Variants in ADAM17 observed in about 807,000 individuals in gnomAD.
The protein encoded by ADAM17 is ADAM metallopeptidase domain 17.
In ADAM17, 39 loss-of-function variants were observed where a neutral mutation model predicts 96.7. That is an observed-to-expected ratio of 0.40 (90% CI 0.31 to 0.53). The LOEUF (loss-of-function observed/expected upper bound fraction) is 0.53. ADAM17 is among the 20% of genes least tolerant of loss of function. The pLI is 0.44. For synonymous variants in ADAM17, 344 were observed against 359.2 expected (o/e 0.96, Z 0.48); for missense variants, 777 against 1,013.2 (o/e 0.77, Z 3.17).
At chr2:9,520,529 A>G (rs1481751597) in intron 8 of ADAM17, among the ~76,000 whole-genome samples, 1 of 152,248 alleles carries the variant, frequency 6.6e-6, no homozygotes, top group Admixed American at 6.5e-5. Context: ...AGATAAATTG[A>G]TAAGCTTCAG....
chr2:9,533,158 C>CA (rs1664819023), intron 4 of ADAM17, among the ~76,000 whole-genome samples: 1 of 151,722 alleles, frequency 6.6e-6, no homozygotes, highest in South Asian at 2.1e-4. Context: ...CATTGCACTC[C>CA]AGTCTGGGTG....
rs1490890866 is a variant in ADAM17, at chr2:9,512,385, A to G, written c.1192-2254T>C. 3.9e-5 allele frequency: 6 copies of G among 152,316 alleles called. No individual in the cohort carries two copies. The South Asian group carries it at 1.2e-3, about 32-fold the overall frequency. The allele number at this position is 152,316 out of a possible 1,614,324, so 9.4% of individuals were successfully genotyped here. A position where few individuals can be genotyped will look rare whatever the true frequency, so the allele number is the denominator to read the frequency against. On this transcript the variant is annotated intron_variant, in intron 10 of 18. Transcript: ENST00000310823. ...GCCATTAAGAAGTTGTGACTCCAAA[A>G]AAGTAAAAGCGTGAGCTACTGTACA...
chr2:9,528,020 T>C (rs1664595680), intron 4 of ADAM17, 66 bp from the exon 5 acceptor site: 1 of 1,096,844 alleles, frequency 9.1e-7, no homozygotes, highest in Non-Finnish European at 1.2e-6. Context: ...TAAATTCTTC[T>C]AACATTCTTT....
At chr2:9,508,538 A>G (rs1420245960) in intron 11 of ADAM17, among the ~76,000 whole-genome samples, 2 of 152,190 alleles carry the variant, frequency 1.3e-5, no homozygotes, top group African/African-American at 4.8e-5. Context: ...ATTTTAGGAC[A>G]TTTCCATCCT....
chr2:9,540,566 G>A (rs980586038), intron 2 of ADAM17, among the ~76,000 whole-genome samples: 10 of 151,742 alleles, frequency 6.6e-5, no homozygotes, highest in African/African-American at 2.2e-4. Context: ...ACATAAAATC[G>A]AATAAAAAGA....
intron 6 of ADAM17, among the ~76,000 whole-genome samples, chr2:9,523,613 A>T (rs556876636): frequency 1.3e-5 from 2 of 152,328 alleles, no homozygotes; most frequent in East Asian, 3.9e-4. Flanking sequence ...GACAAGTAAC[A>T]GGCTTTTTTA....
intron 10 of ADAM17, 73 bp downstream of exon 10, chr2:9,517,828 C>T: frequency 1.0e-6 from 1 of 987,890 alleles, no homozygotes; most frequent in South Asian, 3.1e-5. Flanking sequence ...AAAAAAATAC[C>T]TACATAAATA....
intron 8 of ADAM17, among the ~76,000 whole-genome samples, chr2:9,518,652 T>C (rs1017959687): frequency 3.9e-5 from 6 of 152,224 alleles, no homozygotes; most frequent in African/African-American, 1.4e-4. Flanking sequence ...ATTGGTTTTA[T>C]AGAAATTTTA....
At chr2:9,539,117 T>TG (rs1665102037) in intron 2 of ADAM17, among the ~76,000 whole-genome samples, 1 of 151,956 alleles carries the variant, frequency 6.6e-6, no homozygotes, top group African/African-American at 2.4e-5. Context: ...TTGATTTTTT[T>TG]TTTTTTTTGA....
chr2:9,492,100 G>A (rs1662203663), intron 17 of ADAM17, among the ~76,000 whole-genome samples: 1 of 152,210 alleles, frequency 6.6e-6, no homozygotes, highest in Non-Finnish European at 1.5e-5. Flanking sequence ...AGCAGGAAAG[G>A]AAAGGAAGGA....
rs769827227 is a variant in ADAM17 at position 9,489,894 on chromosome 2, C to A, written c.*283G>T. On this transcript the variant is annotated 3_prime_UTR_variant, in exon 19 of 19. Coordinates refer to ENST00000310823, the MANE Select transcript of ADAM17 (RefSeq NM_003183.6). ...TTTACAAAAACGTAAATATTCATAA[C>A]CCAATCCAGCTGTATTTTCTGCTTT... The A allele has an allele frequency of 4.1e-5, 14 of 341,252 alleles. No individual in the cohort carries two copies. Among genetic ancestry groups the A allele is most frequent in the Non-Finnish European group, 7.5e-5 (14 of 186,850 alleles). The allele number at this position is 341,252 out of a possible 1,614,324, so 21.1% of individuals were successfully genotyped here. A position where few individuals can be genotyped will look rare whatever the true frequency, so the allele number is the denominator to read the frequency against.
chr2:9,519,028 C>A (rs929447783), intron 8 of ADAM17, among the ~76,000 whole-genome samples: 5 of 152,078 alleles, frequency 3.3e-5, no homozygotes, highest in African/African-American at 1.2e-4. Flanking sequence ...ACCTCAGCCT[C>A]CCAAGAAGCT....
In ADAM17 at chr2:9,555,696, C is replaced by G. The variant is rs1665729793; in HGVS notation, c.-91G>C. 1 of 1,121,296 alleles carries G rather than the reference C, an allele frequency of 8.9e-7. No homozygotes were observed. The highest frequency in any genetic ancestry group is 1.2e-6 in the Non-Finnish European group (1 of 805,016). The allele number at this position is 1,121,296 out of a possible 1,614,324, so 69.5% of individuals were successfully genotyped here. A position where few individuals can be genotyped will look rare whatever the true frequency, so the allele number is the denominator to read the frequency against. ...TGCTCACATCGGGGGAGGACGGGAT[C>G]CGCCCGGCCTAGCCCCTCAATCCTC... On this transcript the variant is annotated 5_prime_UTR_variant, in exon 1 of 19. Transcript: ENST00000310823.
At chr2:9,523,146 T>G in intron 7 of ADAM17, 103 bp downstream of exon 7, 1 of 805,928 alleles carries the variant, frequency 1.2e-6, no homozygotes, top group Non-Finnish European at 1.9e-6. Context: ...AGAAAACTTA[T>G]TTACAATTAT....
At chr2:9,502,060 C>G (rs1289008786) in intron 13 of ADAM17, 113 bp downstream of exon 13, 22 of 937,882 alleles carry the variant, frequency 2.3e-5, no homozygotes. Context: ...CTCAACCCGG[C>G]ATATGAGATT....
Position 9,500,837 on chromosome 2 carries a change from G to A in ADAM17, c.1648+1336C>T, listed in dbSNP as rs185483865. On this transcript the variant is annotated intron_variant, in intron 13 of 18. Transcript: ENST00000310823. ...GAAATTTTTAAAGCAACAATTGACC[G>A]AACAAAAGATACTGGACACCTGGAA... Among the ~76,000 whole-genome samples, 257 of 152,206 alleles carry A rather than the reference G, an allele frequency of 1.7e-3. 3 individuals are homozygous for A. Among genetic ancestry groups the A allele is most frequent in the African/African-American group, 5.1e-3 (213 of 41,528 alleles).
intron 6 of ADAM17, among the ~76,000 whole-genome samples, chr2:9,523,728 T>C (rs1572934555): frequency 6.6e-6 from 1 of 152,202 alleles, no homozygotes; most frequent in African/African-American, 2.4e-5. Context: ...AAGTGTCCAC[T>C]TACATATGGA....
At chr2:9,507,865 T>C (rs1342022422) in intron 11 of ADAM17, among the ~76,000 whole-genome samples, 4 of 152,100 alleles carry the variant, frequency 2.6e-5, no homozygotes, top group Non-Finnish European at 4.4e-5. Flanking sequence ...AGCATGTGCT[T>C]CTATGCCCAG....
intron 12 of ADAM17, among the ~76,000 whole-genome samples, chr2:9,503,299 G>A (rs1663138855): frequency 6.6e-6 from 1 of 152,118 alleles, no homozygotes; most frequent in South Asian, 2.1e-4. Context: ...CCAGAAAACT[G>A]AAGTTTAACC....
Sources: allele counts gnomAD v4.1 joint callset (sites outside exome capture counted in the v4.1 genomes callset), GRCh38; gene constraint gnomAD v4.1.1; transcripts MANE v1.5; gene names NCBI Gene and HGNC (gene_info 2026-07-23, HGNC 2026-07-21).